Variants in RAB44 observed in about 807,000 individuals in gnomAD.
RAB44 encodes the protein RAB44, member RAS oncogene family, also known as ras-related protein Rab-44.
A neutral mutation model predicts 93.3 loss-of-function variants in RAB44; 67 were observed. That is an observed-to-expected ratio of 0.72 (90% CI 0.59 to 0.88). The LOEUF is 0.88. Among genes scored for constraint, RAB44 ranks in the 40% least tolerant of loss-of-function variants. RAB44 has a pLI of 0.00. For missense variants in RAB44, 1,064 were observed against 1,261.7 expected (o/e 0.84, Z 2.37); for synonymous variants, 427 against 520.3 (o/e 0.82, Z 2.44).
intron 2 of RAB44, among the ~76,000 whole-genome samples, chr6:36,708,114 A>AGGT (rs1762694228): frequency 6.6e-6 from 1 of 152,088 alleles, no homozygotes; most frequent in African/African-American, 2.4e-5. Flanking sequence ...TGGGAGGCTA[A>AGGT]GGTGGGAAGA....
intron 13 of RAB44, 134 bp downstream of exon 13, chr6:36,730,883 GTT>G (rs1287309368): frequency 2.4e-6 from 1 of 419,442 alleles, no homozygotes; most frequent in East Asian, 3.6e-5. Context: ...GAAGCACCTA[GTT>G]AAAGACCTGG....
intron 12 of RAB44, among the ~76,000 whole-genome samples, chr6:36,729,576 G>C (rs140770232): frequency 1.3e-5 from 2 of 150,906 alleles, no homozygotes; most frequent in Admixed American, 6.6e-5. Flanking sequence ...TCCGACTCCC[G>C]GGTTCAAGCG....
intron 8 of RAB44, 43 bp downstream of exon 8, chr6:36,720,593 C>A: frequency 8.2e-7 from 1 of 1,217,230 alleles, no homozygotes; most frequent in Non-Finnish European, 1.0e-6. Context: ...CTCTAAGGGC[C>A]TCCTGGAACC....
intron 3 of RAB44, among the ~76,000 whole-genome samples, chr6:36,714,872 T>C (rs532320277): frequency 1.6e-4 from 24 of 152,298 alleles, no homozygotes; most frequent in African/African-American, 5.8e-4. Context: ...ATTCACCTCG[T>C]CCATCTTGCT....
In RAB44 at chr6:36,720,375, C is replaced by G; in HGVS notation, c.841C>G (p.Leu281Val). ...CTCCACCCTGCAGCTGGAGGCCCAGCTCTCCCACCTCAGGAGCACACATCA... is the reference window on the plus strand; with the variant it reads ...CTCCACCCTGCAGCTGGAGGCCCAGGTCTCCCACCTCAGGAGCACACATCA... ...AEGQRELEAQLSHLRSTHQEA... is the reference protein window; with the variant it reads ...AEGQRELEAQVSHLRSTHQEA... The change falls in exon 8 of 14, where the codon CTC becomes GTC. Residue 281 changes from leucine to valine, a missense_variant. Coordinates refer to ENST00000612677, the MANE Select transcript of RAB44 (RefSeq NM_001257357.2). The G allele has an allele frequency of 8.1e-7, 1 of 1,232,374 alleles. No individual in the cohort carries two copies. Among genetic ancestry groups the G allele is most frequent in the Non-Finnish European group, 1.0e-6 (1 of 988,094 alleles). 76.3% of individuals were successfully genotyped at this position (1,232,374 alleles called of 1,614,324 possible).
chr6:36,715,393 C>A, intron 3 of RAB44, 86 bp from the exon 4 acceptor site: 1 of 1,264,720 alleles, frequency 7.9e-7, no homozygotes, highest in Non-Finnish European at 1.1e-6. Flanking sequence ...AATTACTTCC[C>A]TGAGGGCTGG....
intron 2 of RAB44, among the ~76,000 whole-genome samples, chr6:36,709,225 A>G (rs1221075338): frequency 6.6e-6 from 1 of 152,190 alleles, no homozygotes; most frequent in African/African-American, 2.4e-5. Flanking sequence ...TGCTGGGATT[A>G]CAGGCATGAG....
chr6:36,699,236 A>T (rs1054734990), intron 1 of RAB44, among the ~76,000 whole-genome samples: 1 of 152,032 alleles, frequency 6.6e-6, no homozygotes, highest in African/African-American at 2.4e-5. Flanking sequence ...CTATTTTCTT[A>T]AAAAATGCCA....
Position 36,730,662 on chromosome 6 carries a change from C to G in RAB44, c.2899-11C>G, listed in dbSNP as rs1289874345. ...CCAAGGCACATATGTCCCTCCCTGT[C>G]TGGCCTGCAGGAACTGGGGGTCTAT... On this transcript the variant is annotated splice_polypyrimidine_tract_variant and intron_variant, in intron 12 of 13. Transcript: ENST00000612677. 2.4e-6 allele frequency: 3 copies of G among 1,233,506 alleles called. No homozygotes were observed. The highest frequency in any genetic ancestry group is 4.2e-5 in the Admixed American group (1 of 23,706). The allele number at this position is 1,233,506 out of a possible 1,614,324, so 76.4% of individuals were successfully genotyped here. A position where few individuals can be genotyped will look rare whatever the true frequency, so the allele number is the denominator to read the frequency against.
intron 1 of RAB44, among the ~76,000 whole-genome samples, chr6:36,698,561 C>A (rs761393638): frequency 6.6e-6 from 1 of 152,016 alleles, no homozygotes; most frequent in Non-Finnish European, 1.5e-5. Context: ...AAGTTTTATG[C>A]GATTTCTTAG....
At chr6:36,725,741 G>A (rs928083191) in intron 9 of RAB44, 121 bp from the exon 10 acceptor site, 129 of 693,322 alleles carry the variant, frequency 1.9e-4, no homozygotes, top group African/African-American at 3.5e-4. Context: ...GGGGAAGCCC[G>A]GCAGCCAAGG....
chr6:36,720,020 T>A (rs1184876868), intron 7 of RAB44, among the ~76,000 whole-genome samples: 1 of 152,140 alleles, frequency 6.6e-6, no homozygotes, highest in Non-Finnish European at 1.5e-5. Flanking sequence ...AGGAGCCCCC[T>A]GTAGACCAGA....
At chr6:36,705,536 C>G (rs1333517867) in intron 2 of RAB44, among the ~76,000 whole-genome samples, 1 of 152,034 alleles carries the variant, frequency 6.6e-6, no homozygotes, top group East Asian at 1.9e-4. Context: ...GCACCCACTA[C>G]CACGCCTGGC....
In RAB44 at chr6:36,715,615, C is replaced by T; in HGVS notation, c.456C>T (p.Ala152=). 1 of 1,536,172 alleles carries T rather than the reference C, an allele frequency of 6.5e-7. No individual in the cohort carries two copies. Among genetic ancestry groups the T allele is most frequent in the South Asian group, 1.2e-5 (1 of 84,064 alleles). The change falls in exon 4 of 14, where the codon GCC becomes GCT. Residue 152 remains alanine, a synonymous_variant. Transcript: ENST00000612677. ...ADAEEKEAFL[A]FMEQLGTGHL... ...CTGAGGAGAAGGAGGCGTTCCTTGC[C>T]TTCATGGAGCAGCTGGGGACTGGAC...
chr6:36,732,079 G>T lies in RAB44; in HGVS notation c.3052G>T (p.Gly1018Cys), dbSNP rs560308829. Residue 1018 changes from glycine (G) to cysteine (C), a missense_variant, in exon 14 of 14, where the codon GGC becomes TGC. Gly to Cys is a radical substitution (Grantham distance 159). Coordinates refer to ENST00000612677, the MANE Select transcript of RAB44 (RefSeq NM_001257357.2). The stretch of plus-strand genomic sequence containing the variant: ...CCCCAAGAGGCCGCCCAAGAGATTC[G>T]GCTGTTGCTCCTGATCACCTGTCCT... ...VAPKRPPKRF[G>C]CCS 3 of 1,234,360 alleles carry T rather than the reference G, an allele frequency of 2.4e-6. No homozygotes were observed. The highest frequency in any genetic ancestry group is 3.1e-5 in the African/African-American group (2 of 64,598). The allele number at this position is 1,234,360 out of a possible 1,614,324, so 76.5% of individuals were successfully genotyped here.
chr6:36,718,863 C>T (rs572651383), intron 7 of RAB44, among the ~76,000 whole-genome samples: 91 of 152,144 alleles, frequency 6.0e-4, no homozygotes, highest in South Asian at 3.7e-3. Flanking sequence ...CCTGTAGTCA[C>T]TTCCAGGTGG....
chr6:36,729,781 C>G (rs1186349380), intron 12 of RAB44, among the ~76,000 whole-genome samples: 1 of 152,182 alleles, frequency 6.6e-6, no homozygotes, highest in Non-Finnish European at 1.5e-5. Context: ...CCATGCTCGG[C>G]CTTTTTCTTA....
In RAB44 at chr6:36,715,485, T is replaced by C. The variant is rs1248991201; in HGVS notation, c.326T>C (p.Ile109Thr). Residue 109 changes from isoleucine to threonine, a missense_variant, in exon 4 of 14, where the codon ATC becomes ACC. Ile to Thr is a moderately conservative substitution (Grantham distance 89). Coordinates refer to ENST00000612677, the MANE Select transcript of RAB44 (RefSeq NM_001257357.2). ...GTCCACTTCTGTCCCACAGAAAACA[T>C]CTTTGGCTCCAGCCAGAGCCCCCAC... ...LEEFSSGLKN[I>T]FGSSQSPHRL... 1 of 1,536,036 alleles carries C rather than the reference T, an allele frequency of 6.5e-7. No homozygotes were observed. The highest frequency in any genetic ancestry group is 8.7e-7 in the Non-Finnish European group (1 of 1,146,886).
At chr6:36,728,551 G>C in intron 11 of RAB44, 149 bp from the exon 12 acceptor site, 1 of 646,714 alleles carries the variant, frequency 1.5e-6, no homozygotes, top group Non-Finnish European at 2.8e-6. Flanking sequence ...AGGAAGGATG[G>C]GGGAAAGGGT....
Sources: gnomAD v4.1 joint callset for allele counts (sites outside exome capture counted in the v4.1 genomes callset) on GRCh38, gnomAD v4.1.1 for gene constraint, MANE v1.5 for transcripts, NCBI Gene and HGNC (gene_info 2026-07-23, HGNC 2026-07-21) for gene names.